EGFR: variants seen among roughly 807,000 people sequenced by gnomAD.
The protein encoded by EGFR is avian erythroblastic leukemia viral (v-erb-b) oncogene homolog.
EGFR carries 58 observed loss-of-function variants against 143.0 expected under a neutral mutation model. That is an observed-to-expected ratio of 0.41 (90% CI 0.33 to 0.50). The LOEUF (loss-of-function observed/expected upper bound fraction) is 0.50. Among genes scored for constraint, EGFR ranks in the 20% least tolerant of loss-of-function variants. The pLI is 0.39. For missense variants in EGFR, 1,307 were observed against 1,579.0 expected (o/e 0.83, Z 2.92); for synonymous variants, 613 against 594.4 (o/e 1.03, Z -0.45).
chr7:55,187,211 G>A (rs990379674), intron 20 of EGFR, among the ~76,000 whole-genome samples: 15 of 152,280 alleles, frequency 9.9e-5, no homozygotes, highest in East Asian at 1.9e-4. Flanking sequence ...ATTCAAGGTC[G>A]CTGCAAAAGG....
At chr7:55,033,160 A>G (rs1787359899) in intron 1 of EGFR, among the ~76,000 whole-genome samples, 1 of 152,266 alleles carries the variant, frequency 6.6e-6, no homozygotes, top group African/African-American at 2.4e-5. Flanking sequence ...TATTCTAGAA[A>G]AAGCAGCAAC....
At chr7:55,092,022 T>TA (rs11376505) in intron 1 of EGFR, among the ~76,000 whole-genome samples, 133,800 of 151,494 alleles carry the variant, frequency 0.88, 59,248 homozygotes, top group East Asian at 0.97. Flanking sequence ...TCTATCTCCT[T>TA]AAAAAAAAAT....
chr7:55,041,315 G>A (rs1787884390), intron 1 of EGFR, among the ~76,000 whole-genome samples: 2 of 152,278 alleles, frequency 1.3e-5, no homozygotes, highest in Admixed American at 1.3e-4. Context: ...GGAGGCGGAG[G>A]CAGGAGAATC....
At chr7:55,022,063 C>A (rs1786600394) in intron 1 of EGFR, among the ~76,000 whole-genome samples, 1 of 152,194 alleles carries the variant, frequency 6.6e-6, no homozygotes, top group Non-Finnish European at 1.5e-5. Flanking sequence ...ATGAGCCTGT[C>A]TGAAGCTTCA....
intron 5 of EGFR, among the ~76,000 whole-genome samples, chr7:55,152,163 T>G (rs978908421): frequency 3.9e-5 from 6 of 152,134 alleles, no homozygotes; most frequent in Admixed American, 2.6e-4. Context: ...CCAAGGAACC[T>G]GGGGACATGA....
At chr7:55,051,165 C>A (rs1413603714) in intron 1 of EGFR, among the ~76,000 whole-genome samples, 1 of 152,190 alleles carries the variant, frequency 6.6e-6, no homozygotes, top group East Asian at 1.9e-4. Flanking sequence ...GGTTGTTGCT[C>A]TTTGCACAAG....
chr7:55,156,728 T>C (rs1305089898), intron 9 of EGFR, 31 bp from the exon 10 acceptor site: 4 of 1,614,228 alleles, frequency 2.5e-6, no homozygotes, highest in East Asian at 2.2e-5. Context: ...TAGAGATTGG[T>C]GATCAATAAT....
At chr7:55,187,860 G>C (rs942460275) in intron 20 of EGFR, among the ~76,000 whole-genome samples, 2 of 152,190 alleles carry the variant, frequency 1.3e-5, no homozygotes, top group East Asian at 3.9e-4. Context: ...AAAAGGTTGA[G>C]GGGAGAACAC....
intron 1 of EGFR, among the ~76,000 whole-genome samples, chr7:55,038,938 T>G (rs1199778495): frequency 1.3e-5 from 2 of 151,838 alleles, no homozygotes; most frequent in Non-Finnish European, 2.9e-5. Context: ...AATGGTTGCC[T>G]CCAATATTTT....
chr7:55,098,217 GCTCA>G (rs1791591635), intron 1 of EGFR, among the ~76,000 whole-genome samples: 1 of 152,168 alleles, frequency 6.6e-6, no homozygotes, highest in Non-Finnish European at 1.5e-5. Flanking sequence ...GAAACTGAAA[GCTCA>G]CTGATTTTTT....
At chr7:55,035,854 G>T (rs1159394100) in intron 1 of EGFR, among the ~76,000 whole-genome samples, 2 of 152,018 alleles carry the variant, frequency 1.3e-5, no homozygotes, top group Non-Finnish European at 2.9e-5. Flanking sequence ...CTACTGGGAG[G>T]TCCTATCCCC....
rs2128852932 is a variant in EGFR, at chr7:55,019,113, A to T, written c.-165A>T. The T allele has an allele frequency of 2.6e-6, 1 of 389,122 alleles. No homozygotes were observed. The highest frequency in any genetic ancestry group is 5.9e-5 in the South Asian group (1 of 16,912). 24.1% of individuals were successfully genotyped at this position (389,122 alleles called of 1,614,324 possible). ...CGCGGCCGAGGCGGCCGGAGTCCCG[A>T]GCTAGCCCCGGCGGCCGCCGCCGCC... On this transcript the variant is annotated 5_prime_UTR_variant, in exon 1 of 28. Coordinates refer to ENST00000275493, the MANE Select transcript of EGFR (RefSeq NM_005228.5).
chr7:55,201,515 T>C (rs984730719), intron 25 of EGFR, among the ~76,000 whole-genome samples, 160 bp downstream of exon 25: 2 of 152,240 alleles, frequency 1.3e-5, no homozygotes, highest in African/African-American at 4.8e-5. Context: ...GTGTATTAAT[T>C]ATTTTGTTGC....
intron 1 of EGFR, among the ~76,000 whole-genome samples, chr7:55,137,902 C>T (rs1794241245): frequency 6.6e-6 from 1 of 152,206 alleles, no homozygotes; most frequent in South Asian, 2.1e-4. Flanking sequence ...ATTACTCCAG[C>T]ATGTGCATTT....
chr7:55,042,348 T>A (rs902630774), intron 1 of EGFR, among the ~76,000 whole-genome samples: 4 of 152,208 alleles, frequency 2.6e-5, no homozygotes, highest in Admixed American at 2.0e-4. Context: ...ACATCCTTGC[T>A]GTCTGATTGA....
At chr7:55,181,504 A>G (rs758705125) in intron 20 of EGFR, 26 bp downstream of exon 20, 1 of 1,613,970 alleles carries the variant, frequency 6.2e-7, no homozygotes, top group Non-Finnish European at 8.5e-7. Flanking sequence ...AGATACGGGG[A>G]GGGGAGATAA....
At chr7:55,136,816 T>G (rs1794171993) in intron 1 of EGFR, among the ~76,000 whole-genome samples, 1 of 152,254 alleles carries the variant, frequency 6.6e-6, no homozygotes, top group Non-Finnish European at 1.5e-5. Context: ...CAGCTGATAC[T>G]ATACAGTGGA....
At chr7:55,189,384 G>T (rs1043058358) in intron 20 of EGFR, among the ~76,000 whole-genome samples, 1 of 151,868 alleles carries the variant, frequency 6.6e-6, no homozygotes, top group Non-Finnish European at 1.5e-5. Context: ...CTGGCACATC[G>T]CCAGTGCTCA....
chr7:55,072,739 AGTCT>A (rs909060073), intron 1 of EGFR, among the ~76,000 whole-genome samples: 5 of 152,236 alleles, frequency 3.3e-5, no homozygotes, highest in Non-Finnish European at 7.3e-5. Flanking sequence ...TGCTTTTAAC[AGTCT>A]GCTGTTTTGT....
Sources: gnomAD v4.1 joint callset for allele counts (sites outside exome capture counted in the v4.1 genomes callset) on GRCh38, gnomAD v4.1.1 for gene constraint, MANE v1.5 for transcripts, NCBI Gene and HGNC (gene_info 2026-07-23, HGNC 2026-07-21) for gene names.